EPRS1: variants seen among roughly 807,000 people sequenced by gnomAD.
EPRS1 encodes bifunctional glutamate/proline--tRNA ligase.
EPRS1 carries 107 observed loss-of-function variants against 188.3 expected under a neutral mutation model. The ratio of observed to expected loss-of-function variants is 0.57; its 90% confidence interval spans 0.49 to 0.67. EPRS1 has a LOEUF of 0.67. Among genes scored for constraint, EPRS1 ranks in the 30% least tolerant of loss-of-function variants. The pLI is 0.00. For missense variants in EPRS1, 1,577 were observed against 1,802.2 expected (o/e 0.88, Z 2.26); for synonymous variants, 596 against 593.1 (o/e 1.00, Z -0.07).
chr1:219,992,554 C>T (rs1571666859), intron 18 of EPRS1, among the ~76,000 whole-genome samples: 1 of 152,134 alleles, frequency 6.6e-6, no homozygotes, highest in Non-Finnish European at 1.5e-5. Context: ...GTCTTGGTTG[C>T]AACTATTCAA....
At chr1:220,020,286 AAAC>A (rs1247462479) in intron 9 of EPRS1, 65 bp from the exon 10 acceptor site, 5 of 978,236 alleles carry the variant, frequency 5.1e-6, no homozygotes, top group African/African-American at 1.7e-5. Flanking sequence ...TAAGCATTAT[AAAC>A]AACAATACTA....
At chr1:220,046,083 A>C (rs975671348) in intron 1 of EPRS1, among the ~76,000 whole-genome samples, 7 of 152,158 alleles carry the variant, frequency 4.6e-5, no homozygotes, top group Non-Finnish European at 7.3e-5. Context: ...TCCGAAGCGG[A>C]GTCTCGTGTT....
At chr1:220,032,278 C>G in intron 5 of EPRS1, 109 bp downstream of exon 5, 1 of 739,046 alleles carries the variant, frequency 1.4e-6, no homozygotes, top group Non-Finnish European at 2.0e-6. Context: ...AGCAGAGATG[C>G]GGTTTCACCG....
Position 220,015,902 on chromosome 1 carries a change from T to C in EPRS1, c.1494+2547A>G, listed in dbSNP as rs115982906. Among the ~76,000 whole-genome samples, 562 of 152,166 alleles carry C rather than the reference T, an allele frequency of 3.7e-3. 6 individuals are homozygous for C. Among genetic ancestry groups the C allele is most frequent in the African/African-American group, 0.013 (536 of 41,476 alleles). ...AAGATGCTGAAGAGACCTAGGAAGATAGCTATGCTTCAGAAACCAATGGGC... is the reference window on the plus strand; with the variant it reads ...AAGATGCTGAAGAGACCTAGGAAGACAGCTATGCTTCAGAAACCAATGGGC... On this transcript the variant is annotated intron_variant, in intron 12 of 31. Coordinates refer to ENST00000366923, the MANE Select transcript of EPRS1 (RefSeq NM_004446.3).
chr1:219,979,047 T>C (rs1660840168), intron 27 of EPRS1, among the ~76,000 whole-genome samples: 1 of 152,176 alleles, frequency 6.6e-6, no homozygotes, highest in Non-Finnish European at 1.5e-5. Context: ...GTAGACTAGA[T>C]TTTGCCATGT....
In EPRS1 at chr1:219,981,379, A is replaced by AC; in HGVS notation, c.3451dup (p.Val1151GlyfsTer16). 6.3e-7 allele frequency: 1 copy of AC among 1,599,536 alleles called. No homozygotes were observed. The highest frequency in any genetic ancestry group is 8.5e-7 in the Non-Finnish European group (1 of 1,170,716). ...ATACAAGAGGGGGTGAATACCTACC[A>AC]CCACATTGCACCACTGATTGAGCTT... On this transcript the variant is annotated frameshift_variant and splice_region_variant, in exon 24 of 32. Coordinates refer to ENST00000366923, the MANE Select transcript of EPRS1 (RefSeq NM_004446.3). LOFTEE classifies it high-confidence loss of function.
intron 24 of EPRS1, 61 bp downstream of exon 24, chr1:219,981,317 T>TAAA: frequency 7.2e-6 from 7 of 968,716 alleles, no homozygotes; most frequent in Admixed American, 5.4e-5. Flanking sequence ...AAATGTGCTT[T>TAAA]AAAAAAAAAA....
At chr1:219,979,193 C>A (rs1660843350) in intron 27 of EPRS1, among the ~76,000 whole-genome samples, 2 of 152,076 alleles carry the variant, frequency 1.3e-5, no homozygotes, top group Admixed American at 1.3e-4. Context: ...AAAATGACTT[C>A]TAAAAATGTT....
chr1:219,995,010 A>G (rs1047313878), intron 18 of EPRS1, among the ~76,000 whole-genome samples: 8 of 152,148 alleles, frequency 5.3e-5, no homozygotes, highest in African/African-American at 1.9e-4. Flanking sequence ...TTTTGCTTAA[A>G]GTCTCAGTTT....
At chr1:219,973,429 A>G (rs758936256) in intron 28 of EPRS1, 31 bp from the exon 29 acceptor site, 33 of 1,519,852 alleles carry the variant, frequency 2.2e-5, no homozygotes, top group South Asian at 3.6e-5. Flanking sequence ...TTAAAATGAT[A>G]TATGAATGTC....
intron 10 of EPRS1, among the ~76,000 whole-genome samples, chr1:220,019,373 TA>T (rs1312480104): frequency 6.6e-6 from 1 of 152,186 alleles, no homozygotes; most frequent in Non-Finnish European, 1.5e-5. Flanking sequence ...CATGCATTCA[TA>T]CATTTTTATT....
Position 220,016,375 on chromosome 1 carries a change from C to T in EPRS1, c.1494+2074G>A, listed in dbSNP as rs372575333. ...AAAAAGAAAAAAGAAAAAAAGAGTA[C>T]GCAGGGGTGGGGAGAGGAAAAAAAA... On this transcript the variant is annotated intron_variant, in intron 12 of 31. Coordinates refer to ENST00000366923, the MANE Select transcript of EPRS1 (RefSeq NM_004446.3). Among the ~76,000 whole-genome samples, 24 of 143,602 alleles carry T rather than the reference C, an allele frequency of 1.7e-4. No individual in the cohort carries two copies. In the East Asian group the frequency reaches 2.1e-3, roughly 12 times the overall value. 94.2% of individuals were successfully genotyped at this position (143,602 alleles called of 152,430 possible).
At position 219,970,754 on chromosome 1, in the gene EPRS1, G is replaced by A. The variant is rs560107656; in HGVS notation, c.4323+1315C>T. On this transcript the variant is annotated intron_variant, in intron 30 of 31. Transcript: ENST00000366923. ...GATCACGGCACTGTACTCCAGCCTG[G>A]GCAACAAAGCAAGACCCTGTACCAA... is the stretch of plus-strand genomic sequence containing the variant. Among the ~76,000 whole-genome samples, 10 of 140,026 alleles carry A rather than the reference G, an allele frequency of 7.1e-5. No homozygotes were observed. The South Asian group carries it at 2.3e-3, about 32-fold the overall frequency. The allele number at this position is 140,026 out of a possible 152,430, so 91.9% of individuals were successfully genotyped here.
chr1:219,991,710 G>A (rs1204691509), intron 18 of EPRS1, among the ~76,000 whole-genome samples: 1 of 152,170 alleles, frequency 6.6e-6, no homozygotes, highest in Non-Finnish European at 1.5e-5. Context: ...ATACAGCACA[G>A]GGTAGAGCCG....
chr1:220,046,442 C>G lies in EPRS1; in HGVS notation c.-54G>C, dbSNP rs1167826267. ...GTACGCCTGGCTCGTGCCAGAACTACGGAGGACCCCGCGAAAGGAAGAAGA... is the reference window on the plus strand; with the variant it reads ...GTACGCCTGGCTCGTGCCAGAACTAGGGAGGACCCCGCGAAAGGAAGAAGA... On this transcript the variant is annotated 5_prime_UTR_variant, in exon 1 of 32. Coordinates refer to ENST00000366923, the MANE Select transcript of EPRS1 (RefSeq NM_004446.3). The G allele has an allele frequency of 3.1e-6, 5 of 1,608,400 alleles. No individual in the cohort carries two copies. Among genetic ancestry groups the G allele is most frequent in the Non-Finnish European group, 4.2e-6 (5 of 1,177,818 alleles).
intron 11 of EPRS1, 93 bp downstream of exon 11, chr1:220,018,902 G>GA (rs1661798296): frequency 1.4e-6 from 1 of 709,476 alleles, no homozygotes; most frequent in African/African-American, 2.0e-5. Flanking sequence ...ACAAGGAATA[G>GA]AAAGAACAAC....
In EPRS1 at chr1:220,025,237, T is replaced by C. The variant is rs770560207; in HGVS notation, c.645A>G (p.Ala215=). The C allele has an allele frequency of 6.2e-7, 1 of 1,609,692 alleles. No homozygotes were observed. Among genetic ancestry groups the C allele is most frequent in the East Asian group, 2.2e-5 (1 of 44,788 alleles). The change falls in exon 7 of 32, where the codon GCA becomes GCG. Residue 215 remains alanine, a synonymous_variant. Coordinates refer to ENST00000366923, the MANE Select transcript of EPRS1 (RefSeq NM_004446.3). ...EASGYLHIGH[A]KAALLNQHYQ... ...AGTGCTGGTTCAGAAGAGCAGCTTT[T>C]GCATGCCCAATGTGTAAGTAACTAA... is the stretch of plus-strand genomic sequence containing the variant.
intron 10 of EPRS1, among the ~76,000 whole-genome samples, chr1:220,019,552 T>C (rs541307437): frequency 1.5e-4 from 23 of 152,340 alleles, no homozygotes; most frequent in African/African-American, 5.3e-4. Context: ...TCAGTAAGTA[T>C]GCAGTAATAC....
chr1:220,000,348 T>C (rs1029614855), intron 17 of EPRS1, among the ~76,000 whole-genome samples: 3 of 152,206 alleles, frequency 2.0e-5, no homozygotes, highest in African/African-American at 7.2e-5. Context: ...CCAAGGGGTA[T>C]ATAAAACCCT....
Sources: allele counts gnomAD v4.1 joint callset (sites outside exome capture counted in the v4.1 genomes callset), GRCh38; gene constraint gnomAD v4.1.1; transcripts MANE v1.5; gene names NCBI Gene and HGNC (gene_info 2026-07-23, HGNC 2026-07-21).